The following TMEM131L variants were observed in gnomAD, a reference collection of about 807,000 sequenced individuals.
TMEM131L encodes the protein transmembrane 131 like, also known as transmembrane protein 131-like.
A neutral mutation model predicts 192.2 loss-of-function variants in TMEM131L; 54 were observed. The ratio of observed to expected loss-of-function variants is 0.28; its 90% CI spans 0.23 to 0.35. The LOEUF (loss-of-function observed/expected upper bound fraction) is 0.35, where lower values mean the gene tolerates loss of function less well. Among genes scored for constraint, TMEM131L ranks in the 10% least tolerant of loss-of-function variants. The pLI, the probability that TMEM131L is intolerant of heterozygous loss-of-function variation, is 1.00. For missense variants in TMEM131L, 1,888 were observed against 1,972.9 expected (o/e 0.96, Z 0.82); for synonymous variants, 701 against 704.9 (o/e 0.99, Z 0.09).
intron 7 of TMEM131L, among the ~76,000 whole-genome samples, chr4:153,578,904 C>T (rs1221705608): frequency 1.3e-5 from 2 of 152,000 alleles, no homozygotes; most frequent in Non-Finnish European, 2.9e-5. Context: ...ATGATCCACC[C>T]ACCTCGGCCT....
chr4:153,524,245 A>C (rs1735322281), intron 3 of TMEM131L, among the ~76,000 whole-genome samples: 3 of 149,278 alleles, frequency 2.0e-5, no homozygotes, highest in Admixed American at 1.4e-4. Flanking sequence ...GTTCCCTTCC[A>C]GGGCATGTAG....
intron 3 of TMEM131L, among the ~76,000 whole-genome samples, chr4:153,494,380 A>G (rs1733012012): frequency 6.6e-6 from 1 of 152,244 alleles, no homozygotes; most frequent in African/African-American, 2.4e-5. Flanking sequence ...ATAATGTAGT[A>G]CAATATTTGA....
intron 2 of TMEM131L, among the ~76,000 whole-genome samples, chr4:153,472,821 C>G (rs975316810): frequency 6.6e-6 from 1 of 152,204 alleles, no homozygotes. Flanking sequence ...GAATTACATG[C>G]TTTTGTCCCT....
At chr4:153,636,055 C>G (rs1215403377) in intron 34 of TMEM131L, among the ~76,000 whole-genome samples, 1 of 151,982 alleles carries the variant, frequency 6.6e-6, no homozygotes, top group Non-Finnish European at 1.5e-5. Flanking sequence ...TGTTTTTTTC[C>G]AGATAAAGGG....
In TMEM131L at chr4:153,604,320, G is replaced by A. The variant is rs765042248; in HGVS notation, c.3308G>A (p.Arg1103Gln). 22 of 1,613,912 alleles carry A rather than the reference G, an allele frequency of 1.4e-5. No individual in the cohort carries two copies. The highest frequency in any genetic ancestry group is 1.6e-4 in the Middle Eastern group (1 of 6,084). ...TSENTAEFKE[R>Q]ELCPLKTSKK... ...GAGAACACAGCCGAGTTCAAGGAAC[G>A]GGAGCTCTGTCCACTGAAGACCTCC... The change falls in exon 25 of 35, where the codon CGG (arginine) becomes CAG (glutamine). Residue 1103 changes from arginine to glutamine, a missense_variant. Physicochemically the swap from Arg to Gln is conservative, Grantham distance 43. Coordinates refer to ENST00000409959, the MANE Select transcript of TMEM131L (RefSeq NM_001131007.2).
chr4:153,466,629 G>A, intron 1 of TMEM131L, 108 bp downstream of exon 1: 4 of 1,070,988 alleles, frequency 3.7e-6, no homozygotes, highest in Non-Finnish European at 3.6e-6. Flanking sequence ...AAGGGAAAGG[G>A]GCAGGAGGAG....
chr4:153,617,546 G>A (rs926129899), intron 26 of TMEM131L, among the ~76,000 whole-genome samples: 3 of 152,120 alleles, frequency 2.0e-5, no homozygotes, highest in African/African-American at 7.2e-5. Context: ...TTCTTACTAG[G>A]GAAAGGTGAG....
intron 7 of TMEM131L, among the ~76,000 whole-genome samples, chr4:153,559,102 C>A (rs1269000108): frequency 6.6e-6 from 1 of 152,142 alleles, no homozygotes; most frequent in African/African-American, 2.4e-5. Flanking sequence ...GTACCTGGGG[C>A]TTTCATTCAT....
At chr4:153,497,450 C>A (rs28642382) in intron 3 of TMEM131L, among the ~76,000 whole-genome samples, 6 of 152,064 alleles carry the variant, frequency 3.9e-5, no homozygotes, top group African/African-American at 9.7e-5. Flanking sequence ...TTTTAAGCAC[C>A]CTCCCCTGGC....
At chr4:153,554,626 A>T (rs1388079438) in intron 4 of TMEM131L, among the ~76,000 whole-genome samples, 1 of 152,224 alleles carries the variant, frequency 6.6e-6, no homozygotes, top group Non-Finnish European at 1.5e-5. Flanking sequence ...TTTTATTCCA[A>T]TTATAGATAT....
intron 3 of TMEM131L, among the ~76,000 whole-genome samples, chr4:153,493,362 A>G (rs983950591): frequency 1.5e-5 from 2 of 136,918 alleles, no homozygotes; most frequent in Admixed American, 7.4e-5. Context: ...AAAAAAAAAA[A>G]AAAAAGATAT....
At chr4:153,608,687 C>T (rs988665201) in intron 25 of TMEM131L, among the ~76,000 whole-genome samples, 1 of 152,132 alleles carries the variant, frequency 6.6e-6, no homozygotes, top group Non-Finnish European at 1.5e-5. Context: ...CAAAAATGTT[C>T]CTATTTACTT....
chr4:153,603,308 C>T lies in TMEM131L; in HGVS notation c.2645C>T (p.Ser882Phe). The T allele has an allele frequency of 6.2e-7, 1 of 1,612,980 alleles. No individual in the cohort carries two copies. Among genetic ancestry groups the T allele is most frequent in the South Asian group, 1.1e-5 (1 of 90,886 alleles). The change falls in exon 24 of 35, where the codon TCC becomes TTC. Residue 882 changes from serine to phenylalanine, a missense_variant. By Grantham distance (155) the Ser-to-Phe change is radical. Transcript: ENST00000409959. ...CTTGTTGCTTTCTTCCTCAGTTTGT[C>T]CCTGTTGGGTGTGATTTTAATAGCC... ...WRLTVFFVSLSLLGVILIAFQ... is the reference protein window; with the variant it reads ...WRLTVFFVSLFLLGVILIAFQ...
chr4:153,573,231 C>CTTTCTTTT (rs1729709066), intron 7 of TMEM131L, among the ~76,000 whole-genome samples: 1 of 152,202 alleles, frequency 6.6e-6, no homozygotes, highest in Non-Finnish European at 1.5e-5. Context: ...GAGGAACCAC[C>CTTTCTTTT]ACAGCGTCCT....
At chr4:153,532,938 A>G (rs1736015147) in intron 3 of TMEM131L, among the ~76,000 whole-genome samples, 1 of 150,994 alleles carries the variant, frequency 6.6e-6, no homozygotes, top group South Asian at 2.1e-4. Flanking sequence ...CAGGGGTATT[A>G]GCTTCAGGCA....
chr4:153,505,575 A>G (rs1412211429), intron 3 of TMEM131L, among the ~76,000 whole-genome samples: 1 of 152,246 alleles, frequency 6.6e-6, no homozygotes, highest in Admixed American at 6.5e-5. Flanking sequence ...AACATAATTC[A>G]GCCCATAACA....
At chr4:153,566,722 T>G (rs940729852) in intron 7 of TMEM131L, among the ~76,000 whole-genome samples, 1 of 152,182 alleles carries the variant, frequency 6.6e-6, no homozygotes, top group Non-Finnish European at 1.5e-5. Flanking sequence ...ATCATCACAA[T>G]TAATAGTTGG....
chr4:153,634,130 A>G (rs969525949), intron 32 of TMEM131L, 62 bp from the exon 33 acceptor site: 40 of 1,411,136 alleles, frequency 2.8e-5, no homozygotes, highest in Non-Finnish European at 4.0e-5. Context: ...ATCATTTTCC[A>G]TTTTCTTTAC....
chr4:153,599,216 G>T (rs1437128332), intron 21 of TMEM131L, among the ~76,000 whole-genome samples: 1 of 152,180 alleles, frequency 6.6e-6, no homozygotes, highest in Non-Finnish European at 1.5e-5. Context: ...GAGGGGAGAA[G>T]GTGTCACACA....
Sources: allele counts gnomAD v4.1 joint callset (sites outside exome capture counted in the v4.1 genomes callset), GRCh38; gene constraint gnomAD v4.1.1; transcripts MANE v1.5; gene names NCBI Gene and HGNC (gene_info 2026-07-23, HGNC 2026-07-21).